The following PARD3 variants were observed in gnomAD, a reference collection of about 807,000 sequenced individuals.
The protein encoded by PARD3 is partitioning defective 3 homolog.
A neutral mutation model predicts 155.4 loss-of-function variants in PARD3; 75 were observed. The ratio of observed to expected loss-of-function variants is 0.48; its 90% CI spans 0.40 to 0.58. The LOEUF is 0.58. Among genes scored for constraint, PARD3 ranks in the 20% least tolerant of loss-of-function variants. The pLI, the probability that PARD3 is intolerant of heterozygous loss-of-function variation, is 0.00. For missense variants in PARD3, 1,642 were observed against 1,721.7 expected, an observed-to-expected ratio of 0.95 and a Z score of 0.82; for synonymous variants, 576 against 610.5, an observed-to-expected ratio of 0.94 and a Z score of 0.83.
At chr10:34,161,216 G>T (rs1949261849) in intron 22 of PARD3, among the ~76,000 whole-genome samples, 1 of 144,834 alleles carries the variant, frequency 6.9e-6, no homozygotes, top group Non-Finnish European at 1.5e-5. Flanking sequence ...CTGCACTCCA[G>T]GCTGGGCAAC....
chr10:34,328,804 A>G (rs1345241216), intron 19 of PARD3, among the ~76,000 whole-genome samples: 1 of 152,218 alleles, frequency 6.6e-6, no homozygotes, highest in Admixed American at 6.5e-5. Context: ...CACCCTATAA[A>G]CACGATTTCA....
chr10:34,414,291 T>C (rs1012029806), intron 5 of PARD3, among the ~76,000 whole-genome samples: 10 of 151,508 alleles, frequency 6.6e-5, no homozygotes, highest in African/African-American at 1.9e-4. Flanking sequence ...ATTTAAAAAA[T>C]AGAAGCATGT....
At chr10:34,292,932 A>G (rs1956744914) in intron 20 of PARD3, among the ~76,000 whole-genome samples, 1 of 152,130 alleles carries the variant, frequency 6.6e-6, no homozygotes, top group Non-Finnish European at 1.5e-5. Context: ...TCCTAGAACC[A>G]TATGGAACAA....
intron 22 of PARD3, among the ~76,000 whole-genome samples, chr10:34,171,666 A>G (rs1949799021): frequency 6.6e-6 from 1 of 151,970 alleles, no homozygotes; most frequent in African/African-American, 2.4e-5. Context: ...CAGAGTCCTC[A>G]GGCCAGGTGC....
intron 1 of PARD3, among the ~76,000 whole-genome samples, chr10:34,719,873 A>G (rs970596265): frequency 6.6e-6 from 1 of 152,210 alleles, no homozygotes; most frequent in Non-Finnish European, 1.5e-5. Context: ...CTGAAAATCT[A>G]GGATGACAAA....
intron 1 of PARD3, among the ~76,000 whole-genome samples, chr10:34,755,239 T>C (rs1451619270): frequency 6.9e-6 from 1 of 144,244 alleles, no homozygotes; most frequent in African/African-American, 2.6e-5. Context: ...CCGTCTCTAC[T>C]AAAAATTAAA....
At chr10:34,753,170 C>T (rs1000478850) in intron 1 of PARD3, among the ~76,000 whole-genome samples, 16 of 152,204 alleles carry the variant, frequency 1.1e-4, no homozygotes, top group African/African-American at 3.1e-4. Flanking sequence ...TGTGTACAAA[C>T]GAAGTCTCTC....
At chr10:34,347,247 G>A (rs1281475150) in intron 15 of PARD3, among the ~76,000 whole-genome samples, 2 of 152,150 alleles carry the variant, frequency 1.3e-5, no homozygotes, top group South Asian at 2.1e-4. Context: ...CAAGCTAATC[G>A]CAAGATGAGC....
At chr10:34,586,560 TGA>T (rs200642089) in intron 2 of PARD3, among the ~76,000 whole-genome samples, 2 of 152,192 alleles carry the variant, frequency 1.3e-5, no homozygotes, top group East Asian at 3.9e-4. Flanking sequence ...AAATATACTC[TGA>T]CAGCCTTTGG....
At chr10:34,504,299 T>C (rs2080906228) in intron 3 of PARD3, among the ~76,000 whole-genome samples, 1 of 152,022 alleles carries the variant, frequency 6.6e-6, no homozygotes, top group Non-Finnish European at 1.5e-5. Context: ...TTTTTTACTC[T>C]TTTTGTAGAG....
intron 5 of PARD3, among the ~76,000 whole-genome samples, chr10:34,425,192 T>A (rs1336600979): frequency 6.6e-6 from 1 of 152,156 alleles, no homozygotes; most frequent in Non-Finnish European, 1.5e-5. Flanking sequence ...CTCTCTTTTG[T>A]CTCTCTCTTC....
At chr10:34,140,690 G>A (rs1305282203) in intron 22 of PARD3, among the ~76,000 whole-genome samples, 3 of 152,146 alleles carry the variant, frequency 2.0e-5, no homozygotes, top group African/African-American at 4.8e-5. Flanking sequence ...GCTCCTCTGC[G>A]CAAGCTTCAT....
intron 5 of PARD3, among the ~76,000 whole-genome samples, chr10:34,433,166 T>G (rs896538572): frequency 6.6e-6 from 1 of 152,232 alleles, no homozygotes; most frequent in Non-Finnish European, 1.5e-5. Context: ...TATTAAAATC[T>G]ACAACCAAAG....
chr10:34,128,285 T>A (rs1947396601), intron 23 of PARD3, among the ~76,000 whole-genome samples: 1 of 152,190 alleles, frequency 6.6e-6, no homozygotes, highest in Non-Finnish European at 1.5e-5. Flanking sequence ...CAAGACTTAC[T>A]CCTTTCTCCT....
chr10:34,192,051 A>T (rs1222889594), intron 22 of PARD3, among the ~76,000 whole-genome samples: 3 of 152,094 alleles, frequency 2.0e-5, no homozygotes, highest in Non-Finnish European at 4.4e-5. Flanking sequence ...GGCATTCTGA[A>T]AACTAGCAAA....
At chr10:34,243,900 T>A (rs1313926209) in intron 22 of PARD3, among the ~76,000 whole-genome samples, 1 of 152,184 alleles carries the variant, frequency 6.6e-6, no homozygotes, top group Non-Finnish European at 1.5e-5. Context: ...CTATGACAAA[T>A]GTTTTAGCTA....
chr10:34,612,760 T>A (rs1337756139), intron 2 of PARD3, among the ~76,000 whole-genome samples: 1 of 152,222 alleles, frequency 6.6e-6, no homozygotes, highest in African/African-American at 2.4e-5. Flanking sequence ...TTGCTAGTCA[T>A]CATAGCAATG....
intron 24 of PARD3, among the ~76,000 whole-genome samples, chr10:34,116,782 T>A (rs1375236067): frequency 6.6e-6 from 1 of 152,186 alleles, no homozygotes; most frequent in Non-Finnish European, 1.5e-5. Context: ...GGAGCTACAA[T>A]TAACCCAGAG....
In PARD3 at chr10:34,793,763, AGT is replaced by A. The variant is rs1237904172; in HGVS notation, c.120+21111_120+21112del. 2.0e-5 allele frequency among the ~76,000 whole-genome samples: 3 copies of A among 149,530 alleles called. No homozygotes were observed. In the East Asian group the frequency reaches 5.9e-4, roughly 29 times the overall value. Reference sequence around the variant, plus strand: ...ACTGCGCCATTGCCTGGGCAACAAGAGTGAAACTCCATCTCAAAAAAAAAAAA... The same window carrying A: ...ACTGCGCCATTGCCTGGGCAACAAGAGAAACTCCATCTCAAAAAAAAAAAA... On this transcript the variant is annotated intron_variant, in intron 1 of 24. Coordinates refer to ENST00000374788, the MANE Select transcript of PARD3 (RefSeq NM_001184785.2).
Sources: gnomAD v4.1 joint callset for allele counts (sites outside exome capture counted in the v4.1 genomes callset) on GRCh38, gnomAD v4.1.1 for gene constraint, MANE v1.5 for transcripts, NCBI Gene and HGNC (gene_info 2026-07-23, HGNC 2026-07-21) for gene names.